The following ZNF487 variants were observed in gnomAD, a reference collection of about 807,000 sequenced individuals.
ZNF487 encodes zinc finger protein 487, also known as KRAB domain only 1.
Under a neutral mutation model 3.0 loss-of-function variants are expected in ZNF487, and 4 were observed. The observed-to-expected ratio is 1.35, with a 90% CI of 0.66 to 3.08. ZNF487 has a LOEUF of 3.08. Ranked by LOEUF, ZNF487 falls within the 30% of genes most tolerant of loss-of-function variation. The pLI is 0.01. For synonymous variants in ZNF487, 55 were observed against 34.6 expected (o/e 1.59, Z -2.06); for missense variants, 146 against 98.7 (o/e 1.48, Z -2.03).
chr10:43,501,307 G>A, the ZNF487 span, among the ~76,000 whole-genome samples: 1 of 152,198 alleles, frequency 6.6e-6, no homozygotes, highest in Non-Finnish European at 1.5e-5. Context: ...AGTGGTGAGT[G>A]TGAAGGCCTA....
the ZNF487 span, among the ~76,000 whole-genome samples, chr10:43,507,845 T>A: frequency 6.6e-6 from 1 of 152,170 alleles, no homozygotes; most frequent in African/African-American, 2.4e-5. Context: ...ATCCAGAAGG[T>A]CCACATGGTG....
chr10:43,480,581 A>G (rs1224308698), intron 3 of ZNF487, among the ~76,000 whole-genome samples: 2 of 148,504 alleles, frequency 1.3e-5, no homozygotes, highest in Non-Finnish European at 3.0e-5. Context: ...ACACCTGGCT[A>G]ATTTTTGTAT....
At chr10:43,522,461 C>T in the ZNF487 span, among the ~76,000 whole-genome samples, 13 of 151,554 alleles carry the variant, frequency 8.6e-5, no homozygotes, top group South Asian at 2.1e-4. Context: ...CCTTAGGGTG[C>T]GGTGGCTCAT....
At chr10:43,449,278 G>C (rs547755971) in intron 1 of ZNF487, among the ~76,000 whole-genome samples, 1 of 151,864 alleles carries the variant, frequency 6.6e-6, no homozygotes, top group Non-Finnish European at 1.5e-5. Context: ...CAGCCTCAGC[G>C]ACAGAGCGAG....
At chr10:43,455,843 C>A (rs1321614415) in intron 1 of ZNF487, among the ~76,000 whole-genome samples, 1 of 152,230 alleles carries the variant, frequency 6.6e-6, no homozygotes, top group Non-Finnish European at 1.5e-5. Context: ...GTGCGGACGC[C>A]ACTGCGCGCC....
chr10:43,517,151 G>C, the ZNF487 span, among the ~76,000 whole-genome samples: 1 of 152,392 alleles, frequency 6.6e-6, no homozygotes, highest in East Asian at 1.9e-4. Flanking sequence ...CACACAAAAA[G>C]TGGTCTCCAC....
intron 1 of ZNF487, among the ~76,000 whole-genome samples, chr10:43,445,093 T>A (rs1171178451): frequency 2.6e-5 from 4 of 152,148 alleles, no homozygotes; most frequent in Non-Finnish European, 5.9e-5. Context: ...CTGTAATGTC[T>A]AATCTGCTGT....
chr10:43,460,807 C>T (rs1012098187), intron 1 of ZNF487, among the ~76,000 whole-genome samples: 4 of 152,014 alleles, frequency 2.6e-5, no homozygotes, highest in Middle Eastern at 6.8e-3. Context: ...ATTCTTGTGC[C>T]TCTGCCTCCC....
the ZNF487 span, among the ~76,000 whole-genome samples, chr10:43,505,745 G>T: frequency 6.8e-6 from 1 of 146,702 alleles, no homozygotes; most frequent in African/African-American, 2.5e-5. Context: ...CAGGTTCAAG[G>T]AATTCTCCTG....
chr10:43,464,358 A>T (rs942385892), intron 1 of ZNF487, among the ~76,000 whole-genome samples: 2 of 151,228 alleles, frequency 1.3e-5, no homozygotes, highest in African/African-American at 4.9e-5. Context: ...AATTGTTTGT[A>T]TTTTTATTTT....
At position 43,482,960 on chromosome 10, in the gene ZNF487, C is replaced by A; in HGVS notation, c.*1038C>A. ...AAACCTTCTACCAGAAGTCATCCCT[C>A]ACAACACATCAGAGAACACACACAA... On this transcript the variant is annotated 3_prime_UTR_variant, in exon 4 of 4. Transcript: ENST00000437590. The A allele has an allele frequency of 1.9e-6, 1 of 523,404 alleles. No homozygotes were observed. Among genetic ancestry groups the A allele is most frequent in the East Asian group, 5.6e-5 (1 of 17,974 alleles). The allele number at this position is 523,404 out of a possible 1,614,324, so 32.4% of individuals were successfully genotyped here.
intron 1 of ZNF487, among the ~76,000 whole-genome samples, chr10:43,465,163 CGGAA>C (rs1307556438): frequency 1.6e-5 from 2 of 121,234 alleles, no homozygotes; most frequent in African/African-American, 6.1e-5. Flanking sequence ...ACCTCCCTCC[CGGAA>C]GGGGCGGCTG....
At chr10:43,501,731 G>T in the ZNF487 span, among the ~76,000 whole-genome samples, 1 of 150,688 alleles carries the variant, frequency 6.6e-6, no homozygotes, top group African/African-American at 2.4e-5. Context: ...AACAGAGTGA[G>T]ACCCTGTCTC....
the ZNF487 span, among the ~76,000 whole-genome samples, chr10:43,497,758 G>A: frequency 2.3e-4 from 35 of 151,922 alleles, no homozygotes; most frequent in East Asian, 6.6e-3. Flanking sequence ...ATGAGGTCAG[G>A]AGATCGAGAC....
the ZNF487 span, among the ~76,000 whole-genome samples, chr10:43,489,990 CA>C: frequency 6.6e-6 from 1 of 152,108 alleles, no homozygotes; most frequent in Non-Finnish European, 1.5e-5. Context: ...TTAAAAAAAG[CA>C]ATGCCCATTT....
chr10:43,483,933 C>A, downstream of ZNF487, among the ~76,000 whole-genome samples: 1 of 152,104 alleles, frequency 6.6e-6, no homozygotes, highest in East Asian at 1.9e-4. Flanking sequence ...CTCACTGCAA[C>A]GTCCGCCTCC....
chr10:43,472,506 A>G (rs138729969), intron 1 of ZNF487, among the ~76,000 whole-genome samples: 155 of 152,248 alleles, frequency 1.0e-3, no homozygotes, highest in African/African-American at 3.7e-3. Context: ...ACCGTTGCAG[A>G]GCAGTCTTGC....
At chr10:43,440,405 C>A (rs1283959283) in intron 1 of ZNF487, among the ~76,000 whole-genome samples, 1 of 151,610 alleles carries the variant, frequency 6.6e-6, no homozygotes, top group African/African-American at 2.4e-5. Flanking sequence ...ACCTATAATC[C>A]CAGCACTTTG....
chr10:43,473,905 A>G (rs189198465), intron 1 of ZNF487, among the ~76,000 whole-genome samples: 2 of 152,086 alleles, frequency 1.3e-5, no homozygotes, highest in East Asian at 3.9e-4. Flanking sequence ...TATTCCTGTA[A>G]TTGCAGTATT....
Sources: allele counts gnomAD v4.1 joint callset (sites outside exome capture counted in the v4.1 genomes callset), GRCh38; gene constraint gnomAD v4.1.1; transcripts MANE v1.5; gene names NCBI Gene and HGNC (gene_info 2026-07-23, HGNC 2026-07-21).